The following AKNA variants were observed in gnomAD, a reference collection of about 807,000 sequenced individuals.
AKNA encodes the protein microtubule organization protein AKNA.
A neutral mutation model predicts 138.8 loss-of-function variants in AKNA; 67 were observed. The observed-to-expected ratio is 0.48, with a 90% CI of 0.40 to 0.59. AKNA has a LOEUF of 0.59. Ranked by LOEUF, AKNA falls within the 20% of genes least tolerant of loss-of-function variation. AKNA has a pLI of 0.00. For synonymous variants in AKNA, 737 were observed against 754.4 expected (o/e 0.98, Z 0.38); for missense variants, 1,813 against 1,880.4 (o/e 0.96, Z 0.66).
intron 18 of AKNA, chr9:114,344,084 A>C: frequency 3.3e-6 from 1 of 300,414 alleles, no homozygotes. Flanking sequence ...AGATCCTAGA[A>C]CCAGCTGACA....
At chr9:114,373,976 C>A in intron 4 of AKNA, 117 bp downstream of exon 4, 1 of 1,097,984 alleles carries the variant, frequency 9.1e-7, no homozygotes, top group South Asian at 1.5e-5. Context: ...ACTGGCGTTC[C>A]ACTATCTCCA....
chr9:114,334,016 G>T (rs1489643148), downstream of AKNA: 1 of 130,036 alleles, frequency 7.7e-6, no homozygotes. Context: ...CTCCCCCTTC[G>T]CTCTGTCTCT....
At chr9:114,331,876 C>G, downstream of AKNA, 1 of 1,613,868 alleles carries the variant, frequency 6.2e-7, no homozygotes, top group Non-Finnish European at 8.5e-7. Context: ...CTACGAAGCT[C>G]TCGACTGCTT....
chr9:114,355,436 C>T (rs1259054755), intron 14 of AKNA, among the ~76,000 whole-genome samples: 2 of 152,210 alleles, frequency 1.3e-5, no homozygotes, highest in African/African-American at 2.4e-5. Context: ...CTCGGCCTCC[C>T]AAAGTGCTGG....
At chr9:114,359,466 A>T in intron 11 of AKNA, 128 bp downstream of exon 11, 2 of 1,547,574 alleles carry the variant, frequency 1.3e-6, no homozygotes, top group East Asian at 4.5e-5. Flanking sequence ...TACATTCCAC[A>T]CTTGAAGAGG....
intron 17 of AKNA, among the ~76,000 whole-genome samples, chr9:114,346,346 C>A (rs1352226673): frequency 6.6e-6 from 1 of 152,224 alleles, no homozygotes; most frequent in African/African-American, 2.4e-5. Context: ...CGGCTACTGA[C>A]TCCAGAGCCC....
chr9:114,353,931 A>T (rs1831307486), intron 14 of AKNA, among the ~76,000 whole-genome samples: 2 of 152,218 alleles, frequency 1.3e-5, no homozygotes, highest in African/African-American at 4.8e-5. Flanking sequence ...AGTGAATGTG[A>T]AGGCCTAGGA....
chr9:114,383,999 C>T (rs1454167491), intron 1 of AKNA, among the ~76,000 whole-genome samples: 1 of 152,186 alleles, frequency 6.6e-6, no homozygotes, highest in Non-Finnish European at 1.5e-5. Flanking sequence ...CAGTCCCTAC[C>T]ACATGTGAAG....
intron 5 of AKNA, chr9:114,368,231 C>T: frequency 2.1e-6 from 1 of 478,498 alleles, no homozygotes; most frequent in Non-Finnish European, 3.3e-6. Flanking sequence ...GTGGCAGGGC[C>T]AGGGCTGCCC....
intron 11 of AKNA, chr9:114,359,337 G>C: frequency 1.5e-6 from 1 of 678,044 alleles, no homozygotes; most frequent in Non-Finnish European, 2.3e-6. Context: ...CCTCAATGCT[G>C]GGATTACAGG....
intron 1 of AKNA, among the ~76,000 whole-genome samples, chr9:114,387,234 C>T (rs1834101248): frequency 6.6e-6 from 1 of 152,216 alleles, no homozygotes; most frequent in Non-Finnish European, 1.5e-5. Flanking sequence ...TTCCCACCAG[C>T]TGTGTGGACT....
intron 3 of AKNA, among the ~76,000 whole-genome samples, chr9:114,375,508 G>A (rs1833104489): frequency 6.6e-6 from 1 of 152,202 alleles, no homozygotes; most frequent in African/African-American, 2.4e-5. Flanking sequence ...GAATGCGGGT[G>A]TGATATTTGT....
At chr9:114,388,187 G>C (rs991981303), upstream of AKNA, 3 of 215,660 alleles carry the variant, frequency 1.4e-5, no homozygotes, top group African/African-American at 6.8e-5. Context: ...GCGCTGCCCA[G>C]GAAAGGACTC....
intron 4 of AKNA, among the ~76,000 whole-genome samples, chr9:114,372,976 G>C (rs552761338): frequency 3.0e-5 from 4 of 134,602 alleles, no homozygotes; most frequent in East Asian, 5.4e-4. Context: ...GGGGGGGGGG[G>C]GGTCCTGGTC....
chr9:114,340,958 G>A (rs1830301431), intron 21 of AKNA, among the ~76,000 whole-genome samples: 1 of 152,144 alleles, frequency 6.6e-6, no homozygotes, highest in Non-Finnish European at 1.5e-5. Context: ...GGACTTTGGA[G>A]GAAAACGGCC....
In AKNA at chr9:114,347,910, G is replaced by A. The variant is rs915928695; in HGVS notation, c.3222-10C>T. ...CTCACAGATGGCCTGGCTGGGGTTG[G>A]AGTGGAGACAGAAACAAAGAACAGA... On this transcript the variant is annotated splice_polypyrimidine_tract_variant and intron_variant, in intron 15 of 21. Transcript: ENST00000374088. 6.5e-7 allele frequency: 1 copy of A among 1,550,002 alleles called. No homozygotes were observed. The highest frequency in any genetic ancestry group is 2.0e-5 in the Admixed American group (1 of 50,406).
chr9:114,375,938 C>T (rs935604329), intron 3 of AKNA: 3 of 454,226 alleles, frequency 6.6e-6, no homozygotes, highest in African/African-American at 4.0e-5. Context: ...CTGGCCCAAA[C>T]CCCAGGCCTC....
downstream of AKNA, among the ~76,000 whole-genome samples, chr9:114,333,733 A>T (rs1156988340): frequency 5.0e-5 from 7 of 140,850 alleles, no homozygotes; most frequent in South Asian, 8.7e-4. Flanking sequence ...AACTAGTCAT[A>T]AAAAAAAATC....
intron 6 of AKNA, 93 bp from the exon 7 acceptor site, chr9:114,364,712 G>T: frequency 7.5e-7 from 1 of 1,337,832 alleles, no homozygotes; most frequent in East Asian, 2.3e-5. Context: ...AAGAGGAGCT[G>T]GGTCCGTCCT....
Sources: gnomAD v4.1 joint callset for allele counts (sites outside exome capture counted in the v4.1 genomes callset) on GRCh38, gnomAD v4.1.1 for gene constraint, MANE v1.5 for transcripts, NCBI Gene and HGNC (gene_info 2026-07-23, HGNC 2026-07-21) for gene names.